Variants in FARS2 observed in about 807,000 individuals in gnomAD.
FARS2 encodes the protein phenylalanine--tRNA ligase, mitochondrial.
Under a neutral mutation model 46.4 loss-of-function variants are expected in FARS2, and 40 were observed. The observed-to-expected ratio is 0.86, with a 90% confidence interval of 0.67 to 1.12. FARS2 has a LOEUF of 1.12. Ranked by LOEUF, FARS2 falls within the 50% of genes most tolerant of loss-of-function variation. The pLI, the probability that FARS2 is intolerant of heterozygous loss-of-function variation, is 0.00. For missense variants in FARS2, 513 were observed against 567.9 expected (o/e 0.90, Z 0.98); for synonymous variants, 234 against 214.9 (o/e 1.09, Z -0.78).
chr6:5,717,933 T>TGGAGAGAGAGAGAGAG (rs1554128878), intron 6 of FARS2, among the ~76,000 whole-genome samples: 4 of 128,226 alleles, frequency 3.1e-5, no homozygotes, highest in Admixed American at 1.5e-4. Flanking sequence ...TATATATATA[T>TGGAGAGAGAGAGAGAG]ATACAGAGTC....
chr6:5,669,326 A>G (rs1778324776), intron 6 of FARS2, among the ~76,000 whole-genome samples: 1 of 152,038 alleles, frequency 6.6e-6, no homozygotes, highest in Admixed American at 6.5e-5. Context: ...CGCAGGTCCC[A>G]TAGTAAGCTT....
chr6:5,454,816 G>A (rs2552285), intron 4 of FARS2, among the ~76,000 whole-genome samples: 109,640 of 151,866 alleles, frequency 0.72, 39,888 homozygotes, highest in East Asian at 0.91. Flanking sequence ...ATGCGGACCC[G>A]CCTTCACCGT....
intron 5 of FARS2, among the ~76,000 whole-genome samples, chr6:5,556,450 T>A (rs1427227024): frequency 6.6e-6 from 1 of 151,892 alleles, no homozygotes; most frequent in Non-Finnish European, 1.5e-5. Flanking sequence ...CATCTTCAGC[T>A]TGCTTTGCCA....
chr6:5,280,890 C>G (rs1437050924), intron 1 of FARS2, among the ~76,000 whole-genome samples: 2 of 152,000 alleles, frequency 1.3e-5, no homozygotes, highest in Non-Finnish European at 1.5e-5. Context: ...GGTAGAAGAT[C>G]TTATGTTTTT....
intron 1 of FARS2, among the ~76,000 whole-genome samples, chr6:5,321,542 G>C (rs988589638): frequency 2.0e-5 from 3 of 152,236 alleles, no homozygotes; most frequent in Admixed American, 6.5e-5. Flanking sequence ...ACAAGGTTAG[G>C]ACTGTGCAGG....
intron 4 of FARS2, among the ~76,000 whole-genome samples, chr6:5,441,005 T>C (rs1763813543): frequency 6.6e-6 from 1 of 151,888 alleles, no homozygotes; most frequent in Non-Finnish European, 1.5e-5. Context: ...CCTTGCAACC[T>C]GCATCTCCCG....
chr6:5,256,335 C>A (rs1354033246), upstream of FARS2, among the ~76,000 whole-genome samples: 1 of 151,412 alleles, frequency 6.6e-6, no homozygotes, highest in Non-Finnish European at 1.5e-5. Context: ...ACTAAAAATA[C>A]AGAAATTAGC....
chr6:5,523,624 G>A (rs1769283260), intron 4 of FARS2, among the ~76,000 whole-genome samples: 1 of 152,160 alleles, frequency 6.6e-6, no homozygotes, highest in African/African-American at 2.4e-5. Context: ...TATGCATAGG[G>A]CACTTTTCAT....
At chr6:5,388,201 CT>C (rs1760262381) in intron 2 of FARS2, among the ~76,000 whole-genome samples, 1 of 152,134 alleles carries the variant, frequency 6.6e-6, no homozygotes, top group South Asian at 2.1e-4. Flanking sequence ...TTTCTTGTGT[CT>C]TTGGGATTAT....
chr6:5,292,079 A>C (rs756699463), intron 1 of FARS2, among the ~76,000 whole-genome samples: 1 of 152,180 alleles, frequency 6.6e-6, no homozygotes, highest in South Asian at 2.1e-4. Context: ...GGGGGTTGTC[A>C]GAATGAACAG....
At chr6:5,735,419 G>A (rs1760885729) in intron 6 of FARS2, among the ~76,000 whole-genome samples, 1 of 152,116 alleles carries the variant, frequency 6.6e-6, no homozygotes, top group African/African-American at 2.4e-5. Flanking sequence ...GGTGACTAAG[G>A]GCTTGGAGCT....
chr6:5,720,449 G>A (rs1229829060), intron 6 of FARS2, among the ~76,000 whole-genome samples: 1 of 152,188 alleles, frequency 6.6e-6, no homozygotes, highest in African/African-American at 2.4e-5. Flanking sequence ...GATGTTAATT[G>A]GAGATGTTTT....
intron 5 of FARS2, among the ~76,000 whole-genome samples, chr6:5,551,579 T>C (rs1771377006): frequency 6.6e-6 from 1 of 152,232 alleles, no homozygotes; most frequent in Non-Finnish European, 1.5e-5. Context: ...AAAATACGTA[T>C]TAGTTTCTTG....
At chr6:5,480,142 G>A (rs980244971) in intron 4 of FARS2, among the ~76,000 whole-genome samples, 5 of 152,218 alleles carry the variant, frequency 3.3e-5, no homozygotes, top group East Asian at 1.9e-4. Context: ...GGCAGTTGAC[G>A]CAAGGCTGGG....
chr6:5,632,510 C>T (rs1776339292), intron 6 of FARS2, among the ~76,000 whole-genome samples: 1 of 152,066 alleles, frequency 6.6e-6, no homozygotes, highest in Non-Finnish European at 1.5e-5. Flanking sequence ...TTCCATTACC[C>T]AGAGGAAGCC....
At chr6:5,509,873 A>G (rs1167124824) in intron 4 of FARS2, among the ~76,000 whole-genome samples, 3 of 152,236 alleles carry the variant, frequency 2.0e-5, no homozygotes, top group East Asian at 1.9e-4. Context: ...CTACATGTTT[A>G]TATATACACA....
chr6:5,345,360 T>G (rs551924780), intron 1 of FARS2, among the ~76,000 whole-genome samples: 5 of 152,270 alleles, frequency 3.3e-5, no homozygotes, highest in South Asian at 2.1e-4. Context: ...TATTTTTGAT[T>G]TTGAAAAATC....
intron 5 of FARS2, among the ~76,000 whole-genome samples, chr6:5,592,725 G>A (rs1191775560): frequency 6.6e-5 from 10 of 152,312 alleles, no homozygotes; most frequent in South Asian, 4.1e-4. Context: ...AGCAGACGCC[G>A]TCTCTGATGT....
intron 4 of FARS2, among the ~76,000 whole-genome samples, chr6:5,506,870 C>T (rs1191373146): frequency 6.6e-6 from 1 of 152,190 alleles, no homozygotes; most frequent in African/African-American, 2.4e-5. Flanking sequence ...CAGTGTTGCT[C>T]TTGGCAATCC....
Sources: allele counts gnomAD v4.1 joint callset (sites outside exome capture counted in the v4.1 genomes callset), GRCh38; gene constraint gnomAD v4.1.1; transcripts MANE v1.5; gene names NCBI Gene and HGNC (gene_info 2026-07-23, HGNC 2026-07-21).